KDM4C: variants seen among roughly 807,000 people sequenced by gnomAD.
KDM4C encodes lysine demethylase 4C, also known as lysine-specific demethylase 4C.
A neutral mutation model predicts 129.3 loss-of-function variants in KDM4C; 81 were observed. The observed-to-expected ratio is 0.63, with a 90% CI of 0.52 to 0.75. The LOEUF (loss-of-function observed/expected upper bound fraction) is 0.75. Ranked by LOEUF, KDM4C falls within the 30% of genes least tolerant of loss-of-function variation. KDM4C has a pLI of 0.00. For missense variants in KDM4C, 1,457 were observed against 1,304.0 expected, an observed-to-expected ratio of 1.12 and a Z score of -1.81; for synonymous variants, 573 against 456.1, an observed-to-expected ratio of 1.26 and a Z score of -3.26.
At chr9:7,033,754 A>G (rs990371208) in intron 15 of KDM4C, among the ~76,000 whole-genome samples, 1 of 152,240 alleles carries the variant, frequency 6.6e-6, no homozygotes, top group Non-Finnish European at 1.5e-5. Flanking sequence ...TTGAGAACAA[A>G]TGCCTCATTA....
At chr9:6,783,106 C>A (rs1421735244) in intron 1 of KDM4C, among the ~76,000 whole-genome samples, 1 of 152,178 alleles carries the variant, frequency 6.6e-6, no homozygotes, top group East Asian at 1.9e-4. Context: ...TCTTTCTCCA[C>A]CTTTACCCTG....
chr9:7,132,789 T>C (rs1840785406), intron 19 of KDM4C, among the ~76,000 whole-genome samples: 1 of 152,200 alleles, frequency 6.6e-6, no homozygotes, highest in Non-Finnish European at 1.5e-5. Context: ...TCCTTTCCTC[T>C]GAACTTTGAG....
intron 8 of KDM4C, among the ~76,000 whole-genome samples, chr9:6,915,268 T>TTTGTAAA (rs1820097334): frequency 6.6e-6 from 1 of 152,230 alleles, no homozygotes; most frequent in South Asian, 2.1e-4. Flanking sequence ...AAACAGGTGT[T>TTTGTAAA]CATGCATCTA....
chr9:6,958,438 T>C (rs1247186221), intron 8 of KDM4C, among the ~76,000 whole-genome samples: 1 of 151,840 alleles, frequency 6.6e-6, no homozygotes, highest in Admixed American at 6.6e-5. Context: ...TACAAAAAAA[T>C]TAGCTGGGCA....
chr9:7,163,008 A>G (rs1183514770), intron 19 of KDM4C, among the ~76,000 whole-genome samples: 2 of 152,138 alleles, frequency 1.3e-5, no homozygotes, highest in Non-Finnish European at 2.9e-5. Flanking sequence ...GGTTTCAAAT[A>G]CTGGACCCTG....
At chr9:6,880,198 C>A (rs1347021081) in intron 6 of KDM4C, 137 bp downstream of exon 6, 20 of 451,568 alleles carry the variant, frequency 4.4e-5, no homozygotes, top group African/African-American at 3.7e-4. Flanking sequence ...TTGACTTTTA[C>A]ATGTTTTTTT....
intron 8 of KDM4C, among the ~76,000 whole-genome samples, chr9:6,903,529 A>G (rs1817755452): frequency 6.6e-6 from 1 of 152,098 alleles, no homozygotes; most frequent in African/African-American, 2.4e-5. Flanking sequence ...TTGCGCTTTT[A>G]CCATTTTCTC....
intron 5 of KDM4C, among the ~76,000 whole-genome samples, chr9:6,872,991 A>G (rs915553451): frequency 7.9e-5 from 12 of 152,066 alleles, no homozygotes; most frequent in African/African-American, 2.7e-4. Context: ...CAATGGTGCA[A>G]TCTCGTCTCA....
chr9:7,067,486 C>T (rs745320572), intron 17 of KDM4C, among the ~76,000 whole-genome samples: 13 of 152,192 alleles, frequency 8.5e-5, no homozygotes, highest in African/African-American at 2.9e-4. Flanking sequence ...ACAGACCAAG[C>T]TCAGAGTTTA....
At chr9:6,793,286 A>G (rs1164155370) in intron 2 of KDM4C, among the ~76,000 whole-genome samples, 154 bp downstream of exon 2, 1 of 152,168 alleles carries the variant, frequency 6.6e-6, no homozygotes, top group Non-Finnish European at 1.5e-5. Context: ...TTCTTCAAAT[A>G]GTAATTGTCT....
At chr9:7,075,922 T>C (rs1195372815) in intron 17 of KDM4C, among the ~76,000 whole-genome samples, 3 of 151,918 alleles carry the variant, frequency 2.0e-5, no homozygotes, top group Admixed American at 1.3e-4. Context: ...AAATCTTGGG[T>C]GTGATAATTT....
At chr9:7,115,069 G>A (rs1838748307) in intron 18 of KDM4C, among the ~76,000 whole-genome samples, 1 of 152,084 alleles carries the variant, frequency 6.6e-6, no homozygotes, top group African/African-American at 2.4e-5. Flanking sequence ...GGGTGACAGA[G>A]CAAGACCTCC....
chr9:6,880,164 G>T, intron 6 of KDM4C, 103 bp downstream of exon 6: 2 of 598,138 alleles, frequency 3.3e-6, no homozygotes, highest in Admixed American at 3.2e-5. Flanking sequence ...CCGTTACTCT[G>T]TTGGTTTTAT....
intron 17 of KDM4C, among the ~76,000 whole-genome samples, chr9:7,066,091 G>C (rs1025587469): frequency 1.3e-5 from 2 of 151,922 alleles, no homozygotes; most frequent in African/African-American, 4.8e-5. Context: ...CATTACATCA[G>C]TTGGGGATTC....
rs1818772862 is a variant in KDM4C at position 6,758,660 on chromosome 9, C to T, written c.-18+457C>T. ...GTGAGGGTGGGAGCTCCTCTCCTGACCACCCGTTGCAGGCAGTCATCCCGT... is the reference window on the plus strand; with the variant it reads ...GTGAGGGTGGGAGCTCCTCTCCTGATCACCCGTTGCAGGCAGTCATCCCGT... On this transcript the variant is annotated intron_variant, in intron 1 of 21. Coordinates refer to ENST00000381309, the MANE Select transcript of KDM4C (RefSeq NM_015061.6). This position sits in a 1 kb window ranked among gnomAD's most constrained non-coding sequence, Gnocchi z 4.6. 6.6e-6 allele frequency among the ~76,000 whole-genome samples: 1 copy of T among 152,218 alleles called. No homozygotes were observed. Among genetic ancestry groups the T allele is most frequent in the African/African-American group, 2.4e-5 (1 of 41,462 alleles).
intron 8 of KDM4C, among the ~76,000 whole-genome samples, chr9:6,975,446 GT>G (rs1300852686): frequency 6.6e-6 from 1 of 152,226 alleles, no homozygotes; most frequent in Non-Finnish European, 1.5e-5. Flanking sequence ...AATTTCCACA[GT>G]AGATTGGGTA....
chr9:6,926,097 C>G (rs1822458438), intron 8 of KDM4C, among the ~76,000 whole-genome samples: 2 of 152,050 alleles, frequency 1.3e-5, no homozygotes, highest in Admixed American at 6.6e-5. Flanking sequence ...TGGTGAAAGT[C>G]AAGCCCCTTT....
At chr9:6,968,789 A>G (rs1054254772) in intron 8 of KDM4C, among the ~76,000 whole-genome samples, 1 of 152,170 alleles carries the variant, frequency 6.6e-6, no homozygotes, top group Non-Finnish European at 1.5e-5. Context: ...TATTTTTGAC[A>G]TTTTATTAAA....
intron 8 of KDM4C, among the ~76,000 whole-genome samples, chr9:6,975,863 C>G (rs1357933761): frequency 2.0e-5 from 3 of 152,174 alleles, no homozygotes; most frequent in Non-Finnish European, 2.9e-5. Flanking sequence ...CATAGCAAAA[C>G]CCCGTCTCTA....
Sources: allele counts gnomAD v4.1 joint callset (sites outside exome capture counted in the v4.1 genomes callset), GRCh38; gene constraint gnomAD v4.1.1; non-coding constraint Gnocchi (gnomAD v3.1); transcripts MANE v1.5; gene names NCBI Gene and HGNC (gene_info 2026-07-23, HGNC 2026-07-21).